SMURF1: variants seen among roughly 807,000 people sequenced by gnomAD.
SMURF1 encodes the protein SMAD specific E3 ubiquitin protein ligase 1.
Under a neutral mutation model 98.0 loss-of-function variants are expected in SMURF1, and 44 were observed. That is an observed-to-expected ratio of 0.45 (90% CI 0.35 to 0.58). The LOEUF (loss-of-function observed/expected upper bound fraction) is 0.58, where lower values mean the gene tolerates loss of function less well. SMURF1 is among the 20% of genes least tolerant of loss of function. The probability of loss-of-function intolerance (pLI) is 0.00; values close to 1 mark genes in which losing one functional copy is unlikely to be tolerated. For missense variants in SMURF1, 687 were observed against 938.4 expected (o/e 0.73, Z 3.50); for synonymous variants, 396 against 374.9 (o/e 1.06, Z -0.65).
At chr7:99,059,270 CGCCTGTAGTCCTAGCTACT>C (rs1248298301) in intron 3 of SMURF1, among the ~76,000 whole-genome samples, 252 of 146,840 alleles carry the variant, frequency 1.7e-3, no homozygotes, top group Non-Finnish European at 2.4e-3. Flanking sequence ...TAGTGGCGGG[CGCCTGTAGTCCTAGCTACT>C]TGGGAGGCTG....
chr7:99,130,874 C>G (rs1248727786), intron 1 of SMURF1, among the ~76,000 whole-genome samples: 1 of 152,216 alleles, frequency 6.6e-6, no homozygotes, highest in Non-Finnish European at 1.5e-5. Context: ...CACATCCCAT[C>G]ATCCCAGCCA....
chr7:99,061,725 C>A, intron 2 of SMURF1, 74 bp downstream of exon 2: 1 of 1,245,708 alleles, frequency 8.0e-7, no homozygotes, highest in Non-Finnish European at 1.1e-6. Flanking sequence ...TATACCCAAT[C>A]TTTTTTTAAA....
intron 1 of SMURF1, among the ~76,000 whole-genome samples, chr7:99,075,454 TATTA>T (rs1316920395): frequency 2.0e-5 from 3 of 152,210 alleles, no homozygotes; most frequent in Non-Finnish European, 4.4e-5. Flanking sequence ...CCGATTTATT[TATTA>T]GTCAGAAATA....
At position 99,063,267 on chromosome 7, in the gene SMURF1, A is replaced by T. The variant is rs1165863978; in HGVS notation, c.56-1430T>A. On this transcript the variant is annotated intron_variant, in intron 1 of 17. Transcript: ENST00000361368. The stretch of plus-strand genomic sequence containing the variant: ...TATATATATATATATATATATATAT[A>T]TATATATATATATATATATATATAT... Among the ~76,000 whole-genome samples the T allele has an allele frequency of 2.4e-3, 22 of 9,080 alleles. 1 individual carries two copies. The highest frequency in any genetic ancestry group is 0.045 in the Middle Eastern group (1 of 22). 6.0% of individuals were successfully genotyped at this position (9,080 alleles called of 152,430 possible).
intron 1 of SMURF1, among the ~76,000 whole-genome samples, chr7:99,084,860 G>C (rs1383507372): frequency 6.6e-6 from 1 of 152,200 alleles, no homozygotes; most frequent in Non-Finnish European, 1.5e-5. Context: ...TAGGCCTGGT[G>C]AGAGGTGATT....
At chr7:99,119,468 A>G (rs1797545900) in intron 1 of SMURF1, among the ~76,000 whole-genome samples, 2 of 152,264 alleles carry the variant, frequency 1.3e-5, no homozygotes, top group African/African-American at 4.8e-5. Context: ...CAGGAGAAAG[A>G]AAACACTGGG....
intron 1 of SMURF1, among the ~76,000 whole-genome samples, chr7:99,075,739 G>A (rs138875938): frequency 3.9e-4 from 59 of 152,164 alleles, no homozygotes; most frequent in African/African-American, 1.0e-3. Flanking sequence ...GGTAAGGGTT[G>A]AGACTTATTA....
chr7:99,073,824 T>G (rs1335624742), intron 1 of SMURF1, among the ~76,000 whole-genome samples: 1 of 151,982 alleles, frequency 6.6e-6, no homozygotes, highest in African/African-American at 2.4e-5. Context: ...ATGTCCTCAA[T>G]GCAAATGCAC....
chr7:99,080,891 C>CA (rs1407708718), intron 1 of SMURF1, among the ~76,000 whole-genome samples: 5 of 152,144 alleles, frequency 3.3e-5, no homozygotes, highest in Admixed American at 6.6e-5. Flanking sequence ...GTCTCTCTAG[C>CA]AAAAGTGCTG....
intron 13 of SMURF1, among the ~76,000 whole-genome samples, 167 bp from the exon 14 acceptor site, chr7:99,038,692 C>T (rs1795251703): frequency 6.6e-6 from 1 of 152,170 alleles, no homozygotes; most frequent in Admixed American, 6.5e-5. Flanking sequence ...TGCTGGAGGA[C>T]CCTGAGACCA....
chr7:99,060,774 A>T lies in SMURF1; in HGVS notation c.95-67T>A, dbSNP rs183766543. ...TCCATCCATGTGACACAGAACACAC[A>T]ATTCGTGTTCTCTAATTTCAGGATA... On this transcript the variant is annotated intron_variant, in intron 2 of 17. Transcript: ENST00000361368. 555 of 1,026,062 alleles carry T rather than the reference A, an allele frequency of 5.4e-4. 2 individuals carry two copies. In the African/African-American group the frequency reaches 8.1e-3, roughly 15 times the overall value. 63.6% of individuals were successfully genotyped at this position (1,026,062 alleles called of 1,614,324 possible). A position where few individuals can be genotyped will look rare whatever the true frequency, so the allele number is the denominator to read the frequency against.
intron 5 of SMURF1, among the ~76,000 whole-genome samples, chr7:99,055,582 C>T (rs1455887694): frequency 6.6e-6 from 1 of 152,126 alleles, no homozygotes; most frequent in Non-Finnish European, 1.5e-5. Flanking sequence ...AGCAATCCTC[C>T]CACCTCAGCC....
At chr7:99,137,934 G>A (rs1798030148) in intron 1 of SMURF1, among the ~76,000 whole-genome samples, 1 of 152,178 alleles carries the variant, frequency 6.6e-6, no homozygotes, top group Admixed American at 6.5e-5. Context: ...CCATAGCTAT[G>A]TGCTTTTGTT....
intron 4 of SMURF1, 65 bp from the exon 5 acceptor site, chr7:99,057,335 G>T (rs1048888243): frequency 5.1e-5 from 83 of 1,613,042 alleles, no homozygotes; most frequent in Non-Finnish European, 6.9e-5. Flanking sequence ...CAGGAATTCA[G>T]TATTCAGCGA....
chr7:99,032,498 A>G (rs918104319), intron 17 of SMURF1, among the ~76,000 whole-genome samples: 11 of 152,144 alleles, frequency 7.2e-5, no homozygotes, highest in African/African-American at 1.9e-4. Flanking sequence ...GCAAAACCCC[A>G]TCTCTACTAA....
Position 99,038,370 on chromosome 7 carries a change from C to A in SMURF1, c.1688+18G>T. On this transcript the variant is annotated intron_variant, in intron 14 of 17. Coordinates refer to ENST00000361368, the MANE Select transcript of SMURF1 (RefSeq NM_181349.3). ...GCCGCGCCCCAGGCACCTGGCCGTC[C>A]CCGACAGGTGGCATTACCGGACGTA... is the stretch of plus-strand genomic sequence containing the variant. 1 of 1,612,710 alleles carries A rather than the reference C, an allele frequency of 6.2e-7. No homozygotes were observed. Among genetic ancestry groups the A allele is most frequent in the Middle Eastern group, 1.8e-4 (1 of 5,586 alleles).
rs1313958273 is a variant in SMURF1, at chr7:99,080,589, A to G, written c.56-18752T>C. Among the ~76,000 whole-genome samples, 6 of 152,302 alleles carry G rather than the reference A, an allele frequency of 3.9e-5. No homozygotes were observed. The South Asian group carries it at 6.2e-4, about 16-fold the overall frequency. On this transcript the variant is annotated intron_variant, in intron 1 of 17. Transcript: ENST00000361368. The stretch of plus-strand genomic sequence containing the variant: ...GCTGGGATTACAGGCGTGAGCCACC[A>G]CGCCCGGCTAAACCTACCTAGTTTT...
chr7:99,043,258 T>C (rs1795452495), intron 11 of SMURF1, among the ~76,000 whole-genome samples: 1 of 152,134 alleles, frequency 6.6e-6, no homozygotes, highest in Non-Finnish European at 1.5e-5. Flanking sequence ...CAGAAAGGAC[T>C]TCAGGACTAA....
At chr7:99,116,357 TA>T (rs1358614144) in intron 1 of SMURF1, among the ~76,000 whole-genome samples, 4 of 152,048 alleles carry the variant, frequency 2.6e-5, no homozygotes, top group Non-Finnish European at 4.4e-5. Flanking sequence ...TCCCCACTAA[TA>T]ACAGGAACAA....
Sources: gnomAD v4.1 joint callset for allele counts (sites outside exome capture counted in the v4.1 genomes callset) on GRCh38, gnomAD v4.1.1 for gene constraint, MANE v1.5 for transcripts, NCBI Gene and HGNC (gene_info 2026-07-23, HGNC 2026-07-21) for gene names.